ZMIZ1: variants seen among roughly 807,000 people sequenced by gnomAD.
ZMIZ1 encodes the protein zinc finger MIZ-type containing 1, also known as zinc finger MIZ domain-containing protein 1.
A neutral mutation model predicts 113.9 loss-of-function variants in ZMIZ1; 17 were observed. The observed-to-expected ratio is 0.15, with a 90% confidence interval of 0.10 to 0.22. The LOEUF is 0.22. Ranked by LOEUF, ZMIZ1 falls within the 10% of genes least tolerant of loss-of-function variation. The pLI, the probability that ZMIZ1 is intolerant of heterozygous loss-of-function variation, is 1.00. For synonymous variants in ZMIZ1, 607 were observed against 603.1 expected, an observed-to-expected ratio of 1.01 and a Z score of -0.09; for missense variants, 1,059 against 1,477.8, an observed-to-expected ratio of 0.72 and a Z score of 4.65.
At chr10:79,134,799 A>AT (rs1231515816) in intron 2 of ZMIZ1, among the ~76,000 whole-genome samples, 2 of 152,158 alleles carry the variant, frequency 1.3e-5, no homozygotes, top group Non-Finnish European at 2.9e-5. Flanking sequence ...TAAAAAAAAA[A>AT]GTAATTGGTT....
intron 19 of ZMIZ1, 151 bp from the exon 20 acceptor site, chr10:79,305,013 C>A: frequency 1.2e-6 from 1 of 815,458 alleles, no homozygotes; most frequent in Non-Finnish European, 2.0e-6. Flanking sequence ...AGAAAGGTAG[C>A]ATTGCTTTCA....
intron 2 of ZMIZ1, among the ~76,000 whole-genome samples, chr10:79,136,436 G>A (rs1845009889): frequency 6.6e-6 from 1 of 152,240 alleles, no homozygotes; most frequent in African/African-American, 2.4e-5. Flanking sequence ...ATCTTGGGGT[G>A]TGCTGGGTGC....
At chr10:79,275,103 C>T (rs1305295701) in intron 7 of ZMIZ1, among the ~76,000 whole-genome samples, 2 of 152,230 alleles carry the variant, frequency 1.3e-5, no homozygotes, top group African/African-American at 2.4e-5. Context: ...GCACAAGAGG[C>T]GGTACCTAGG....
At chr10:79,226,796 A>C (rs1204375323) in intron 7 of ZMIZ1, among the ~76,000 whole-genome samples, 1 of 152,234 alleles carries the variant, frequency 6.6e-6, no homozygotes, top group African/African-American at 2.4e-5. Context: ...ACAGATAGGC[A>C]TTAATGATGG....
intron 3 of ZMIZ1, among the ~76,000 whole-genome samples, chr10:79,159,709 C>T (rs910483330): frequency 6.6e-6 from 1 of 152,218 alleles, no homozygotes; most frequent in African/African-American, 2.4e-5. Flanking sequence ...TGCCCTCCTA[C>T]TCCTTCTCTC....
intron 13 of ZMIZ1, among the ~76,000 whole-genome samples, 199 bp from the exon 14 acceptor site, chr10:79,297,414 A>G (rs1455955365): frequency 6.6e-6 from 1 of 152,198 alleles, no homozygotes; most frequent in Non-Finnish European, 1.5e-5. Flanking sequence ...CTTCTGCTAA[A>G]TTAATAGCTA....
chr10:79,240,434 G>C (rs1162222911), intron 7 of ZMIZ1, among the ~76,000 whole-genome samples: 1 of 152,182 alleles, frequency 6.6e-6, no homozygotes, highest in African/African-American at 2.4e-5. Context: ...CTCTGAAGCA[G>C]AGACTGGTTG....
intron 1 of ZMIZ1, among the ~76,000 whole-genome samples, chr10:79,105,152 G>A (rs1431878593): frequency 1.3e-5 from 2 of 152,212 alleles, no homozygotes; most frequent in African/African-American, 4.8e-5. Context: ...CTGAGAAACT[G>A]ATTCCCGAAA....
intron 7 of ZMIZ1, among the ~76,000 whole-genome samples, chr10:79,250,534 G>A (rs773145299): frequency 6.6e-6 from 1 of 152,244 alleles, no homozygotes; most frequent in African/African-American, 2.4e-5. Context: ...CGGCACCCAC[G>A]TGCCCACTTT....
At chr10:79,115,432 G>A (rs1197539486) in intron 1 of ZMIZ1, among the ~76,000 whole-genome samples, 1 of 152,204 alleles carries the variant, frequency 6.6e-6, no homozygotes, top group East Asian at 1.9e-4. Flanking sequence ...AAGGCAGGAA[G>A]GTGACAGGTG....
chr10:79,225,828 G>A (rs1375049504), intron 7 of ZMIZ1, among the ~76,000 whole-genome samples: 1 of 152,152 alleles, frequency 6.6e-6, no homozygotes. Context: ...TGGGGCCTGG[G>A]GTAGGCTGTG....
chr10:79,170,124 G>A (rs1252676673), intron 4 of ZMIZ1, among the ~76,000 whole-genome samples: 2 of 152,180 alleles, frequency 1.3e-5, no homozygotes. Flanking sequence ...CTGTAGATCT[G>A]GAGTTGGGCC....
Position 79,305,513 on chromosome 10 carries a change from C to A in ZMIZ1, c.2355-20C>A. The A allele has an allele frequency of 6.2e-7, 1 of 1,613,878 alleles. No homozygotes were observed. Among genetic ancestry groups the A allele is most frequent in the Non-Finnish European group, 8.5e-7 (1 of 1,179,820 alleles). ...CTTGGGTCCTGGAGCAGAGGCCAAG[C>A]TCCCCATCTCCTTTTCCAGTAAAAC... is the stretch of plus-strand genomic sequence containing the variant. On this transcript the variant is annotated intron_variant, in intron 20 of 24. Transcript: ENST00000334512.
intron 8 of ZMIZ1, chr10:79,285,521 T>C (rs1170408349): frequency 4.4e-6 from 2 of 456,004 alleles, no homozygotes; most frequent in Non-Finnish European, 8.8e-6. Context: ...CTTCTCTCAC[T>C]TTCTGGGCCC....
In ZMIZ1 at chr10:79,312,751, G is replaced by A; in HGVS notation, c.*2G>A. Reference sequence around the variant, plus strand: ...CTGTCTCTATTTGAGAACAACTGAGGGCCACCCGGTCGGGGCCATCCCTCC... The same window carrying A: ...CTGTCTCTATTTGAGAACAACTGAGAGCCACCCGGTCGGGGCCATCCCTCC... On this transcript the variant is annotated 3_prime_UTR_variant, in exon 25 of 25. Transcript: ENST00000334512. The A allele has an allele frequency of 1.2e-6, 2 of 1,613,924 alleles. No individual in the cohort carries two copies. Among genetic ancestry groups the A allele is most frequent in the Non-Finnish European group, 8.5e-7 (1 of 1,179,784 alleles).
rs1248272266 is a variant in ZMIZ1 at position 79,305,975 on chromosome 10, A to G, written c.2424-125A>G. ...CCTGCCAGGCTTCCGCCTCGTCCAC[A>G]GTGTGGTGAGAGTGGGAGCAGGGGC... On this transcript the variant is annotated intron_variant, in intron 21 of 24. Coordinates refer to ENST00000334512, the MANE Select transcript of ZMIZ1 (RefSeq NM_020338.4). 1.7e-5 allele frequency: 24 copies of G among 1,421,352 alleles called. No homozygotes were observed. The South Asian group carries it at 3.2e-4, about 19-fold the overall frequency. The allele number at this position is 1,421,352 out of a possible 1,614,324, so 88.0% of individuals were successfully genotyped here.
chr10:79,297,702 T>C lies in ZMIZ1; in HGVS notation c.1491+12T>C, dbSNP rs757680472. 1.4e-5 allele frequency: 22 copies of C among 1,612,470 alleles called. No homozygotes were observed. Among genetic ancestry groups the C allele is most frequent in the Middle Eastern group, 1.7e-4 (1 of 6,056 alleles). ...GGAATGTCAACAGGGTATGTTCCAA[T>C]TTAATTTACAAATTCTAAGCCACAG... On this transcript the variant is annotated intron_variant, in intron 14 of 24. Transcript: ENST00000334512.
intron 1 of ZMIZ1, among the ~76,000 whole-genome samples, chr10:79,096,379 G>C (rs2132245158): frequency 6.6e-6 from 1 of 152,292 alleles, no homozygotes; most frequent in Non-Finnish European, 1.5e-5. Context: ...AGGTGTGGTG[G>C]TGGGCACCTG....
intron 1 of ZMIZ1, among the ~76,000 whole-genome samples, chr10:79,107,539 T>A (rs1309417824): frequency 6.6e-6 from 1 of 152,174 alleles, no homozygotes; most frequent in African/African-American, 2.4e-5. Context: ...GGGAGGCAGA[T>A]GTGTTCACCA....
Sources: gnomAD v4.1 joint callset for allele counts (sites outside exome capture counted in the v4.1 genomes callset) on GRCh38, gnomAD v4.1.1 for gene constraint, MANE v1.5 for transcripts, NCBI Gene and HGNC (gene_info 2026-07-23, HGNC 2026-07-21) for gene names.